Variants in STARD13 observed in about 807,000 individuals in gnomAD.
STARD13 encodes stAR-related lipid transfer protein 13.
In STARD13, 62 loss-of-function variants were observed where a neutral mutation model predicts 106.4. That is an observed-to-expected ratio of 0.58 (90% CI 0.48 to 0.72). The LOEUF is 0.72. STARD13 is among the 30% of genes least tolerant of loss of function. The pLI, the probability that STARD13 is intolerant of heterozygous loss-of-function variation, is 0.00. For synonymous variants in STARD13, 565 were observed against 553.0 expected (o/e 1.02, Z -0.31); for missense variants, 1,387 against 1,424.0 (o/e 0.97, Z 0.42).
chr13:33,178,839 C>T (rs761575548), intron 1 of STARD13, among the ~76,000 whole-genome samples: 10 of 152,128 alleles, frequency 6.6e-5, no homozygotes, highest in Admixed American at 4.6e-4. Context: ...ACAAACTAGA[C>T]CAAATAAAGA....
At chr13:33,321,132 G>A (rs1009055544) in intron 1 of STARD13, among the ~76,000 whole-genome samples, 2 of 152,132 alleles carry the variant, frequency 1.3e-5, no homozygotes, top group African/African-American at 4.8e-5. Context: ...AGACAGATTT[G>A]TCGCCCCCTT....
At chr13:33,551,397 G>T in the STARD13 span, among the ~76,000 whole-genome samples, 2 of 152,014 alleles carry the variant, frequency 1.3e-5, no homozygotes, top group East Asian at 3.9e-4. Context: ...AAAAGTTTTG[G>T]ATTTGGGGGA....
the STARD13 span, among the ~76,000 whole-genome samples, chr13:33,422,284 C>A: frequency 6.6e-6 from 1 of 152,160 alleles, no homozygotes; most frequent in Non-Finnish European, 1.5e-5. Context: ...AAATCACAAG[C>A]ATTCATATAC....
intron 1 of STARD13, among the ~76,000 whole-genome samples, chr13:33,168,972 C>T (rs17078669): frequency 0.017 from 2,570 of 152,294 alleles, 62 homozygotes; most frequent in African/African-American, 0.056. Context: ...GGCTCCTGCC[C>T]CGGAACGCCT....
intron 3 of STARD13, among the ~76,000 whole-genome samples, chr13:33,158,337 C>T (rs922188210): frequency 1.3e-5 from 2 of 152,186 alleles, no homozygotes; most frequent in African/African-American, 2.4e-5. Context: ...TGCTTAACAA[C>T]TCAAGAGTAA....
chr13:33,566,190 C>T, the STARD13 span, among the ~76,000 whole-genome samples: 1 of 148,310 alleles, frequency 6.7e-6, no homozygotes, highest in Non-Finnish European at 1.5e-5. Context: ...TGGAGAGAGG[C>T]CACATTCACA....
At chr13:33,343,602 TCTAC>T (rs2077987562) in intron 1 of STARD13, among the ~76,000 whole-genome samples, 1 of 70,958 alleles carries the variant, frequency 1.4e-5, no homozygotes, top group Non-Finnish European at 2.4e-5. Flanking sequence ...AAAAAACAAA[TCTAC>T]AAATCTAGTA....
chr13:33,565,997 T>A, the STARD13 span, among the ~76,000 whole-genome samples: 1 of 148,644 alleles, frequency 6.7e-6, no homozygotes. Context: ...ACAGTTTCAG[T>A]TACCTGTGGT....
chr13:33,547,589 A>G, the STARD13 span, among the ~76,000 whole-genome samples: 1 of 152,216 alleles, frequency 6.6e-6, no homozygotes, highest in African/African-American at 2.4e-5. Context: ...CTGAGACAAC[A>G]TAAGCCAAAG....
At chr13:33,145,606 T>G (rs141694168) in intron 3 of STARD13, among the ~76,000 whole-genome samples, 1 of 152,124 alleles carries the variant, frequency 6.6e-6, no homozygotes, top group South Asian at 2.1e-4. Context: ...AGCCAAAAAG[T>G]AGAAATGGCC....
the STARD13 span, among the ~76,000 whole-genome samples, chr13:33,635,567 G>A: frequency 6.6e-6 from 1 of 152,098 alleles, no homozygotes; most frequent in South Asian, 2.1e-4. Flanking sequence ...GGCTGAGGCA[G>A]GAGAATGGAG....
the STARD13 span, among the ~76,000 whole-genome samples, chr13:33,420,951 G>A: frequency 1.3e-5 from 2 of 152,164 alleles, no homozygotes; most frequent in Non-Finnish European, 2.9e-5. Flanking sequence ...CACATTTAAA[G>A]CAGTGTGTAG....
chr13:33,247,361 C>G (rs979984227), intron 1 of STARD13, among the ~76,000 whole-genome samples: 4 of 152,162 alleles, frequency 2.6e-5, no homozygotes, highest in African/African-American at 9.6e-5. Flanking sequence ...GTACTCAATT[C>G]AGCAGGCGAT....
intron 11 of STARD13, among the ~76,000 whole-genome samples, chr13:33,110,481 G>A (rs1371087248): frequency 6.6e-6 from 1 of 152,108 alleles, no homozygotes; most frequent in East Asian, 1.9e-4. Context: ...ACAGGACCGG[G>A]ATCCAGCTGT....
At chr13:33,356,284 C>T in the STARD13 span, among the ~76,000 whole-genome samples, 2 of 152,180 alleles carry the variant, frequency 1.3e-5, no homozygotes, top group African/African-American at 4.8e-5. Context: ...CACACAACCT[C>T]GCATTAGCAT....
chr13:33,485,367 A>T, the STARD13 span, among the ~76,000 whole-genome samples: 6 of 152,340 alleles, frequency 3.9e-5, no homozygotes, highest in South Asian at 1.2e-3. Context: ...ACTTTCAAAA[A>T]ACTCTCCAAG....
chr13:33,481,667 G>A, the STARD13 span, among the ~76,000 whole-genome samples: 2 of 152,098 alleles, frequency 1.3e-5, no homozygotes, highest in African/African-American at 2.4e-5. Context: ...GAGAGAAGTA[G>A]TCAAATCCAT....
At chr13:33,422,431 G>A in the STARD13 span, among the ~76,000 whole-genome samples, 23,733 of 151,984 alleles carry the variant, frequency 0.16, 4,436 homozygotes, top group African/African-American at 0.44. Context: ...CCACTGCTCA[G>A]CGAAATAAAA....
At chr13:33,211,743 CAT>C (rs1887728662) in intron 1 of STARD13, among the ~76,000 whole-genome samples, 1 of 151,914 alleles carries the variant, frequency 6.6e-6, no homozygotes, top group Non-Finnish European at 1.5e-5. Flanking sequence ...TTTAAAATAA[CAT>C]ATTTTTCAAT....
Sources: gnomAD v4.1 joint callset for allele counts (sites outside exome capture counted in the v4.1 genomes callset) on GRCh38, gnomAD v4.1.1 for gene constraint, MANE v1.5 for transcripts, NCBI Gene and HGNC (gene_info 2026-07-23, HGNC 2026-07-21) for gene names.